Variants in CACNA1B observed in about 807,000 individuals in gnomAD.
CACNA1B encodes voltage-dependent N-type calcium channel subunit alpha-1B.
CACNA1B carries 70 observed loss-of-function variants against 247.2 expected under a neutral mutation model. The ratio of observed to expected loss-of-function variants is 0.28; its 90% CI spans 0.23 to 0.35. CACNA1B has a LOEUF of 0.35. Among genes scored for constraint, CACNA1B ranks in the 10% least tolerant of loss-of-function variants. CACNA1B has a pLI of 1.00. For synonymous variants in CACNA1B, 1,231 were observed against 1,294.4 expected (o/e 0.95, Z 1.05); for missense variants, 2,367 against 3,197.4 (o/e 0.74, Z 6.26).
At chr9:137,991,352 T>C (rs1444105297) in intron 15 of CACNA1B, among the ~76,000 whole-genome samples, 1 of 152,206 alleles carries the variant, frequency 6.6e-6, no homozygotes, top group Non-Finnish European at 1.5e-5. Context: ...AAGAAAAAGC[T>C]TTTGAATTAA....
At chr9:137,980,031 C>G (rs1037295451) in intron 12 of CACNA1B, among the ~76,000 whole-genome samples, 8 of 152,226 alleles carry the variant, frequency 5.3e-5, no homozygotes, top group Admixed American at 1.3e-4. Context: ...TCTGCCCTCT[C>G]ACTCCCTTTG....
chr9:138,087,217 C>T (rs62580958), intron 36 of CACNA1B, among the ~76,000 whole-genome samples: 21,546 of 148,890 alleles, frequency 0.14, 2,140 homozygotes, highest in East Asian at 0.37. Context: ...GAAACCCTGT[C>T]TCTACTTAAA....
chr9:137,921,839 TGGG>T, intron 6 of CACNA1B, among the ~76,000 whole-genome samples: 1 of 144,760 alleles, frequency 6.9e-6, no homozygotes, highest in African/African-American at 2.6e-5. Flanking sequence ...CACAGCATCC[TGGG>T]AGCAGAGTAA....
chr9:138,000,101 CT>C (rs11317689), intron 15 of CACNA1B, among the ~76,000 whole-genome samples: 89,135 of 137,706 alleles, frequency 0.65, 30,232 homozygotes, highest in Non-Finnish European at 0.77. Flanking sequence ...ATGAAACATG[CT>C]TTTTTTTTTT....
chr9:138,001,510 G>C (rs1958577510), intron 15 of CACNA1B, among the ~76,000 whole-genome samples: 1 of 152,030 alleles, frequency 6.6e-6, no homozygotes, highest in African/African-American at 2.4e-5. Context: ...ATAGATAATA[G>C]TAAAAGATTA....
Position 138,058,280 on chromosome 9 carries a change from T to C in CACNA1B, c.4308+30T>C. On this transcript the variant is annotated intron_variant, in intron 28 of 46. Transcript: ENST00000371372. The surrounding 1 kb of genome is among the most constrained non-coding windows in gnomAD (Gnocchi z 4.7). ...GTGGACGCTCTGTGGAGTCTTGCAGTGGACAGCGTGGGCAGCGCCATCAGG... is the reference window on the plus strand; with the variant it reads ...GTGGACGCTCTGTGGAGTCTTGCAGCGGACAGCGTGGGCAGCGCCATCAGG... The C allele has an allele frequency of 6.5e-7, 1 of 1,548,040 alleles. No individual in the cohort carries two copies. The highest frequency in any genetic ancestry group is 8.9e-7 in the Non-Finnish European group (1 of 1,121,238).
At position 138,022,911 on chromosome 9, in the gene CACNA1B, C is replaced by A. The variant is rs988344325; in HGVS notation, c.2268-100C>A. On this transcript the variant is annotated intron_variant, in intron 18 of 46. Transcript: ENST00000371372. Reference sequence around the variant, plus strand: ...CTCCCGCGGCCACGCCTCCCACCTCCCTGCGCCATTACTCCATTGCTGTGT... The same window carrying A: ...CTCCCGCGGCCACGCCTCCCACCTCACTGCGCCATTACTCCATTGCTGTGT... 40 of 1,366,420 alleles carry A rather than the reference C, an allele frequency of 2.9e-5. No individual in the cohort carries two copies. In the African/African-American group the frequency reaches 5.4e-4, roughly 18 times the overall value. The allele number at this position is 1,366,420 out of a possible 1,614,324, so 84.6% of individuals were successfully genotyped here.
intron 6 of CACNA1B, among the ~76,000 whole-genome samples, chr9:137,934,883 C>A (rs1423128740): frequency 6.6e-6 from 1 of 152,136 alleles, no homozygotes; most frequent in Non-Finnish European, 1.5e-5. Context: ...TGAGAAGGAA[C>A]CAGAAAACCA....
intron 20 of CACNA1B, among the ~76,000 whole-genome samples, chr9:138,026,042 A>G (rs1958917243): frequency 6.6e-6 from 1 of 152,182 alleles, no homozygotes; most frequent in South Asian, 2.1e-4. Flanking sequence ...CTCCACACAC[A>G]GATGTGTGCA....
intron 36 of CACNA1B, among the ~76,000 whole-genome samples, chr9:138,096,269 A>C (rs1961052266): frequency 6.6e-6 from 1 of 152,128 alleles, no homozygotes. Context: ...CCGGGGCCTG[A>C]AATAGGGCAA....
intron 10 of CACNA1B, among the ~76,000 whole-genome samples, chr9:137,958,379 C>T (rs535123186): frequency 1.1e-4 from 16 of 152,310 alleles, no homozygotes; most frequent in African/African-American, 3.6e-4. Flanking sequence ...CATACATCCA[C>T]ACACAAATAT....
At chr9:138,076,701 G>C (rs990153558) in intron 35 of CACNA1B, among the ~76,000 whole-genome samples, 27 of 152,232 alleles carry the variant, frequency 1.8e-4, no homozygotes, top group Admixed American at 1.4e-3. Flanking sequence ...CCTGCCTCCT[G>C]AGTCTCCCAC....
intron 39 of CACNA1B, among the ~76,000 whole-genome samples, chr9:138,106,041 G>C (rs960530540): frequency 6.6e-6 from 1 of 152,340 alleles, no homozygotes; most frequent in African/African-American, 2.4e-5. Flanking sequence ...ACTGAGGCAT[G>C]GTGAGATTTC....
intron 10 of CACNA1B, among the ~76,000 whole-genome samples, chr9:137,960,114 AACTACTCTCAG>A (rs1957994654): frequency 9.0e-6 from 1 of 111,676 alleles, no homozygotes. Context: ...CAGCCTGAGG[AACTACTCTCAG>A]GCCGACCTGG....
chr9:137,978,386 G>A (rs1379463963), intron 12 of CACNA1B, among the ~76,000 whole-genome samples: 1 of 146,450 alleles, frequency 6.8e-6, no homozygotes, highest in Non-Finnish European at 1.5e-5. Context: ...AGTGAAGGGT[G>A]GGAGTACTAC....
chr9:138,008,334 C>T (rs983934859), intron 16 of CACNA1B, among the ~76,000 whole-genome samples: 7 of 152,232 alleles, frequency 4.6e-5, no homozygotes, highest in African/African-American at 1.4e-4. Flanking sequence ...TGGCCACGAG[C>T]GTCCCCCTCC....
Position 138,023,281 on chromosome 9 carries a change from C to T in CACNA1B, c.2538C>T (p.Asp846=), listed in dbSNP as rs1195318716. ...CTGCGGAGGCCCCCGAGGGCGTCGACCCTCCGCGCAGGCACCACCGGCACC... is the reference window on the plus strand; with the variant it reads ...CTGCGGAGGCCCCCGAGGGCGTCGATCCTCCGCGCAGGCACCACCGGCACC... ...PEAAEAPEGV[D]PPRRHHRHRD... is the part of the protein sequence containing the mutation. The change falls in exon 19 of 47, where the codon GAC becomes GAT. Residue 846 remains aspartate, a synonymous_variant. Coordinates refer to ENST00000371372, the MANE Select transcript of CACNA1B (RefSeq NM_000718.4). The T allele has an allele frequency of 2.6e-6, 4 of 1,516,258 alleles. No individual in the cohort carries two copies. The Admixed American group carries it at 8.1e-5, about 31-fold the overall frequency. The allele number at this position is 1,516,258 out of a possible 1,614,324, so 93.9% of individuals were successfully genotyped here. A position where few individuals can be genotyped will look rare whatever the true frequency, so the allele number is the denominator to read the frequency against.
intron 3 of CACNA1B, among the ~76,000 whole-genome samples, chr9:137,895,413 A>C (rs1265630076): frequency 6.6e-6 from 1 of 152,258 alleles, no homozygotes; most frequent in Non-Finnish European, 1.5e-5. Context: ...TTCAAGCCAG[A>C]ATTATATAAA....
chr9:138,072,438 C>T lies in CACNA1B; in HGVS notation c.4675-1050C>T, dbSNP rs575909166. Among the ~76,000 whole-genome samples the T allele has an allele frequency of 2.6e-5, 4 of 152,368 alleles. No homozygotes were observed. In the South Asian group the frequency reaches 6.2e-4, roughly 24 times the overall value. ...GGCCCTCACCGCCTCTGCGCCTGCA[C>T]GTGCTCCTGCTGCTGCTGTCTCATT... On this transcript the variant is annotated intron_variant, in intron 32 of 46. Transcript: ENST00000371372. This position sits in a 1 kb window ranked among gnomAD's most constrained non-coding sequence, Gnocchi z 4.5.
Sources: gnomAD v4.1 joint callset for allele counts (sites outside exome capture counted in the v4.1 genomes callset) on GRCh38, gnomAD v4.1.1 for gene constraint, Gnocchi (gnomAD v3.1) non-coding constraint, MANE v1.5 for transcripts, NCBI Gene and HGNC (gene_info 2026-07-23, HGNC 2026-07-21) for gene names.